Variants in STK39 observed in about 807,000 individuals in gnomAD.
The protein encoded by STK39 is STE20/SPS1-related proline-alanine-rich protein kinase.
STK39 carries 20 observed loss-of-function variants against 77.8 expected under a neutral mutation model. The ratio of observed to expected loss-of-function variants is 0.26; its 90% CI spans 0.18 to 0.37. STK39 has a LOEUF of 0.37. Among genes scored for constraint, STK39 ranks in the 10% least tolerant of loss-of-function variants. STK39 has a pLI of 1.00. For missense variants in STK39, 479 were observed against 656.5 expected (o/e 0.73, Z 2.95); for synonymous variants, 246 against 234.1 (o/e 1.05, Z -0.47).
intron 1 of STK39, among the ~76,000 whole-genome samples, chr2:168,192,359 G>A (rs1689360289): frequency 6.6e-6 from 1 of 152,166 alleles, no homozygotes; most frequent in African/African-American, 2.4e-5. Flanking sequence ...ACCTCCACCA[G>A]CTCCAAAACG....
chr2:168,103,436 T>C (rs1250908387), intron 10 of STK39, among the ~76,000 whole-genome samples: 1 of 152,214 alleles, frequency 6.6e-6, no homozygotes, highest in African/African-American at 2.4e-5. Context: ...ACTGTGTATT[T>C]TCCTAAGCAA....
chr2:168,157,478 C>A (rs1427075970), intron 5 of STK39, among the ~76,000 whole-genome samples: 1 of 152,144 alleles, frequency 6.6e-6, no homozygotes, highest in South Asian at 2.1e-4. Context: ...GACTTAAAAA[C>A]AACAAAATCT....
intron 1 of STK39, among the ~76,000 whole-genome samples, chr2:168,188,579 AAGTGTGAAATTGCCATT>A (rs1338006168): frequency 6.6e-6 from 1 of 152,196 alleles, no homozygotes; most frequent in African/African-American, 2.4e-5. Flanking sequence ...ATTAGATTGC[AAGTGTGAAATTGCCATT>A]TTTCTACATC....
intron 3 of STK39, among the ~76,000 whole-genome samples, 167 bp from the exon 4 acceptor site, chr2:168,164,047 C>T (rs985787142): frequency 6.6e-6 from 1 of 152,166 alleles, no homozygotes; most frequent in Non-Finnish European, 1.5e-5. Context: ...TGACCAAAAA[C>T]ACTAAATCCA....
At chr2:168,157,123 A>G (rs1688450706) in intron 5 of STK39, among the ~76,000 whole-genome samples, 1 of 152,146 alleles carries the variant, frequency 6.6e-6, no homozygotes, top group South Asian at 2.1e-4. Context: ...ATGTTTTCCT[A>G]GCACTTTTAG....
intron 1 of STK39, among the ~76,000 whole-genome samples, chr2:168,201,708 G>C (rs1465414991): frequency 6.6e-6 from 1 of 152,076 alleles, no homozygotes; most frequent in African/African-American, 2.4e-5. Context: ...TTTCACTTCT[G>C]GTTCCCAAAC....
In STK39 at chr2:168,157,764, C is replaced by T. The variant is rs1688472170; in HGVS notation, c.628+4023G>A. Among the ~76,000 whole-genome samples, 2 of 152,048 alleles carry T rather than the reference C, an allele frequency of 1.3e-5. 1 individual carries two copies. The highest frequency in any genetic ancestry group is 4.1e-4 in the South Asian group (2 of 4,824). On this transcript the variant is annotated intron_variant, in intron 5 of 17. Transcript: ENST00000355999. ...TCAACATATGAATTTGGAGGGCACA[C>T]AAAATTCAAACCACAGCACACACAC...
chr2:168,066,453 T>C (rs1198963621), intron 12 of STK39, among the ~76,000 whole-genome samples: 1 of 152,240 alleles, frequency 6.6e-6, no homozygotes, highest in Non-Finnish European at 1.5e-5. Context: ...CAAAACAACC[T>C]GTATTCATTA....
chr2:167,982,247 C>G (rs145829426), intron 16 of STK39, among the ~76,000 whole-genome samples: 2 of 152,182 alleles, frequency 1.3e-5, no homozygotes, highest in African/African-American at 2.4e-5. Context: ...TTAAACCCCT[C>G]TGACACCAAT....
intron 15 of STK39, among the ~76,000 whole-genome samples, chr2:168,015,125 C>T (rs2105316957): frequency 6.6e-6 from 1 of 152,266 alleles, no homozygotes. Context: ...TTTCATGTTT[C>T]ATTAGTAATC....
At chr2:168,024,701 T>C (rs1381210501) in intron 14 of STK39, among the ~76,000 whole-genome samples, 1 of 152,228 alleles carries the variant, frequency 6.6e-6, no homozygotes, top group African/African-American at 2.4e-5. Flanking sequence ...TCAGCACGAA[T>C]GGACTAAGAC....
intron 16 of STK39, among the ~76,000 whole-genome samples, chr2:168,011,535 A>T (rs181772346): frequency 6.4e-4 from 97 of 152,262 alleles, no homozygotes; most frequent in Non-Finnish European, 9.7e-4. Flanking sequence ...AAATCTCTAT[A>T]AAGTCAGAAT....
intron 16 of STK39, among the ~76,000 whole-genome samples, chr2:167,995,486 A>G (rs1311629783): frequency 6.6e-6 from 1 of 152,200 alleles, no homozygotes; most frequent in African/African-American, 2.4e-5. Flanking sequence ...AAATTCCAAT[A>G]CAGTATTTTC....
At chr2:168,034,751 A>T (rs1684910171) in intron 14 of STK39, among the ~76,000 whole-genome samples, 2 of 152,220 alleles carry the variant, frequency 1.3e-5, no homozygotes, top group South Asian at 4.1e-4. Flanking sequence ...GAGCATTATG[A>T]AGATGGCCCT....
At chr2:168,004,647 G>A (rs1684080301) in intron 16 of STK39, among the ~76,000 whole-genome samples, 1 of 151,042 alleles carries the variant, frequency 6.6e-6, no homozygotes, top group African/African-American at 2.4e-5. Context: ...GCAGGAGAAT[G>A]GTGTGAACCT....
At chr2:168,189,849 T>A (rs544366082) in intron 1 of STK39, among the ~76,000 whole-genome samples, 1 of 152,352 alleles carries the variant, frequency 6.6e-6, no homozygotes, top group Admixed American at 6.5e-5. Context: ...CTAATATTGA[T>A]ACTGACGAAC....
chr2:167,982,557 C>T (rs1683447906), intron 16 of STK39, among the ~76,000 whole-genome samples: 1 of 149,754 alleles, frequency 6.7e-6, no homozygotes, highest in South Asian at 2.1e-4. Flanking sequence ...ATTCTACACT[C>T]TCAGAAATGG....
intron 10 of STK39, among the ~76,000 whole-genome samples, chr2:168,125,891 C>T (rs866393421): frequency 5.3e-5 from 8 of 152,152 alleles, no homozygotes; most frequent in Non-Finnish European, 7.3e-5. Context: ...ATGAGTATGA[C>T]GGGCCTCTGC....
chr2:167,979,637 T>C (rs1683365134), intron 16 of STK39, among the ~76,000 whole-genome samples: 2 of 152,206 alleles, frequency 1.3e-5, no homozygotes, highest in African/African-American at 4.8e-5. Context: ...CAGGCATTCT[T>C]GCAGGTCATC....
Sources: gnomAD v4.1 joint callset for allele counts (sites outside exome capture counted in the v4.1 genomes callset) on GRCh38, gnomAD v4.1.1 for gene constraint, MANE v1.5 for transcripts, NCBI Gene and HGNC (gene_info 2026-07-23, HGNC 2026-07-21) for gene names.